The following FAT1 variants were observed in gnomAD, a reference collection of about 807,000 sequenced individuals.
FAT1 encodes the protein FAT atypical cadherin 1, also known as protocadherin Fat 1.
Under a neutral mutation model 329.8 loss-of-function variants are expected in FAT1, and 171 were observed. The ratio of observed to expected loss-of-function variants is 0.52; its 90% CI spans 0.46 to 0.59. The LOEUF is 0.59. FAT1 is among the 20% of genes least tolerant of loss of function. The pLI, the probability that FAT1 is intolerant of heterozygous loss-of-function variation, is 0.00. For synonymous variants in FAT1, 2,233 were observed against 2,228.6 expected, an observed-to-expected ratio of 1.00 and a Z score of -0.06; for missense variants, 5,672 against 5,774.4, an observed-to-expected ratio of 0.98 and a Z score of 0.57.
At chr4:186,680,437 C>T (rs1743157390) in intron 2 of FAT1, among the ~76,000 whole-genome samples, 1 of 152,164 alleles carries the variant, frequency 6.6e-6, no homozygotes, top group Non-Finnish European at 1.5e-5. Flanking sequence ...GCTTTAATTA[C>T]ACACGACCGT....
At chr4:186,689,652 C>T (rs1478122184) in intron 2 of FAT1, among the ~76,000 whole-genome samples, 1 of 152,182 alleles carries the variant, frequency 6.6e-6, no homozygotes, top group Admixed American at 6.5e-5. Flanking sequence ...TCAGCAACAC[C>T]AGTGTAATAG....
At chr4:186,705,505 T>C (rs570682241) in intron 2 of FAT1, among the ~76,000 whole-genome samples, 1 of 152,344 alleles carries the variant, frequency 6.6e-6, no homozygotes, top group African/African-American at 2.4e-5. Context: ...CCCTTTTCTA[T>C]TTCCACTATC....
Position 186,636,797 on chromosome 4 carries a change from G to A in FAT1, c.3760C>T (p.Leu1254Phe), listed in dbSNP as rs1161879090. The A allele has an allele frequency of 6.2e-7, 1 of 1,613,974 alleles. No individual in the cohort carries two copies. Among genetic ancestry groups the A allele is most frequent in the South Asian group, 1.1e-5 (1 of 91,076 alleles). Residue 1254 changes from leucine (L) to phenylalanine (F), a missense_variant, in exon 5 of 27, where the codon CTC becomes TTC. Physicochemically the swap from Leu to Phe is conservative, Grantham distance 22. Around this residue, in one of 2 missense-constraint regions of FAT1, gnomAD observed 3,966 missense variants for 3,915.2 expected, o/e 1.01. Coordinates refer to ENST00000441802, the MANE Select transcript of FAT1 (RefSeq NM_005245.4). ...QFLQKFYKIR[L>F]PEREKPDRER... is the part of the protein sequence containing the mutation. ...CGGTCTGGCTTTTCCCGCTCAGGGA[G>A]TCTGATTTTGTAGAACTTTTGCAGA...
At chr4:186,720,602 C>T (rs908890038) in intron 1 of FAT1, among the ~76,000 whole-genome samples, 5 of 152,212 alleles carry the variant, frequency 3.3e-5, no homozygotes, top group Non-Finnish European at 7.3e-5. Flanking sequence ...CACTGAGGTG[C>T]TGCTATGGAC....
In FAT1 at chr4:186,620,954, C is replaced by A. The variant is rs2126520750; in HGVS notation, c.5632G>T (p.Val1878Leu). The change falls in exon 10 of 27, where the codon GTG becomes TTG. Residue 1878 changes from valine to leucine, a missense_variant. By Grantham distance (32) the Val-to-Leu change is conservative. Transcript: ENST00000441802. ...GCTTCATATAATGGCTTGGCAAACA[C>A]AGGGGGGCAGTCATTAATGTCAATT... ...HVIDINDCPP[V>L]FAKPLYEASL... is the part of the protein sequence containing the mutation. The A allele has an allele frequency of 6.2e-7, 1 of 1,613,844 alleles. No homozygotes were observed. Among genetic ancestry groups the A allele is most frequent in the Non-Finnish European group, 8.5e-7 (1 of 1,179,894 alleles).
At chr4:186,724,922 AAG>A (rs919095691), upstream of FAT1, among the ~76,000 whole-genome samples, 3 of 152,190 alleles carry the variant, frequency 2.0e-5, no homozygotes, top group Admixed American at 6.5e-5. This position sits in a 1 kb window ranked among gnomAD's most constrained non-coding sequence, Gnocchi z 5.3. Context: ...TCAAGTGTGA[AAG>A]AGAATTTCCT....
Position 186,606,317 on chromosome 4 carries a change from TAC to T in FAT1, c.10207-106_10207-105del, listed in dbSNP as rs879920973. ...TCCTGACGGGCAGGTCCCAGTGAGC[TAC>T]CACTATCTGTTGCATCCTGCCTGTG... is the stretch of plus-strand genomic sequence containing the variant. On this transcript the variant is annotated intron_variant, in intron 16 of 26. Transcript: ENST00000441802. The T allele has an allele frequency of 0.015, 20,063 of 1,309,772 alleles. 272 individuals carry two copies. Among genetic ancestry groups the T allele is most frequent in the South Asian group, 0.037 (2,685 of 71,622 alleles). 81.1% of individuals were successfully genotyped at this position (1,309,772 alleles called of 1,614,324 possible). A position where few individuals can be genotyped will look rare whatever the true frequency, so the allele number is the denominator to read the frequency against.
At chr4:186,716,146 A>G (rs1745193630) in intron 1 of FAT1, among the ~76,000 whole-genome samples, 1 of 152,264 alleles carries the variant, frequency 6.6e-6, no homozygotes, top group East Asian at 1.9e-4. Context: ...TAAACGCCGC[A>G]TATTTATTAC....
chr4:186,632,508 G>A (rs2126553508), intron 7 of FAT1, among the ~76,000 whole-genome samples: 1 of 152,196 alleles, frequency 6.6e-6, no homozygotes, highest in African/African-American at 2.4e-5. Context: ...AATAGATTTT[G>A]CTTGTCTCTA....
chr4:186,693,812 C>T (rs1743906813), intron 2 of FAT1, among the ~76,000 whole-genome samples: 1 of 152,188 alleles, frequency 6.6e-6, no homozygotes, highest in South Asian at 2.1e-4. Flanking sequence ...TAAAACGTTT[C>T]AGTTCAGCTC....
Position 186,633,841 on chromosome 4 carries a change from A to G in FAT1, c.4184-18T>C, listed in dbSNP as rs1212192496. 1.9e-6 allele frequency: 3 copies of G among 1,613,930 alleles called. No individual in the cohort carries two copies. The Middle Eastern group carries it at 4.9e-4, about 266-fold the overall frequency. ...GTTGCCACCTAATTTGGGGAAAAAA[A>G]AGTAAAAACAGGTCACAGGATAACA... On this transcript the variant is annotated intron_variant, in intron 6 of 26. Transcript: ENST00000441802.
At position 186,708,591 on chromosome 4, in the gene FAT1, A is replaced by G. The variant is rs1744770295; in HGVS notation, c.1237T>C (p.Leu413=). ...KSTPGKAKFS[L]NYNTGLISIL... ...GAAATGAGACCAGTGTTGTAATTTA[A>G]ACTGAATTTAGCTTTTCCAGGTGTA... The change falls in exon 2 of 27, where the codon TTA becomes CTA. Residue 413 remains leucine, a synonymous_variant. Transcript: ENST00000441802. The G allele has an allele frequency of 3.7e-6, 6 of 1,613,996 alleles. No individual in the cohort carries two copies. Among genetic ancestry groups the G allele is most frequent in the Non-Finnish European group, 5.1e-6 (6 of 1,179,880 alleles).
chr4:186,700,442 G>A (rs1744251933), intron 2 of FAT1, among the ~76,000 whole-genome samples: 1 of 152,112 alleles, frequency 6.6e-6, no homozygotes, highest in South Asian at 2.1e-4. Flanking sequence ...CTGCCACCGC[G>A]ACGGAATTCA....
rs1285644750 is a variant in FAT1, at chr4:186,603,677, T to C, written c.10849A>G (p.Thr3617Ala). 6.2e-7 allele frequency: 1 copy of C among 1,614,028 alleles called. No homozygotes were observed. Among genetic ancestry groups the C allele is most frequent in the South Asian group, 1.1e-5 (1 of 91,086 alleles). The change falls in exon 19 of 27, where the codon ACA becomes GCA. Residue 3617 changes from threonine to alanine, a missense_variant. Around this residue, in one of 2 missense-constraint regions of FAT1, gnomAD observed 1,706 missense variants for 1,859.1 expected, o/e 0.92. Coordinates refer to ENST00000441802, the MANE Select transcript of FAT1 (RefSeq NM_005245.4). Reference sequence around the variant, plus strand: ...GCCACCGTCGTGAACTTCCCATCTGTTACGCTGACATTGAGAAGGTATTGC... The same window carrying C: ...GCCACCGTCGTGAACTTCCCATCTGCTACGCTGACATTGAGAAGGTATTGC... ...IGQYLLNVSV[T>A]DGKFTTVADI...
At chr4:186,595,589 T>C (rs752252609) in intron 26 of FAT1, 100 bp downstream of exon 26, 8 of 1,349,458 alleles carry the variant, frequency 5.9e-6, no homozygotes, top group Middle Eastern at 5.3e-4. Context: ...AATGAAAATA[T>C]GGTGAGGCTT....
In FAT1 at chr4:186,620,742, G is replaced by A. The variant is rs762561658; in HGVS notation, c.5844C>T (p.Tyr1948=). Residue 1948 remains tyrosine, a synonymous_variant, in exon 10 of 27, where the codon TAC becomes TAT. Coordinates refer to ENST00000441802, the MANE Select transcript of FAT1 (RefSeq NM_005245.4). ...VQNTTQLRSR[Y]ELTVRASDGR... ...CATCGGAAGCTCTAACGGTTAGCTC[G>A]TAGCGGCTTCTTAACTGAGTTGTGT... 9.9e-6 allele frequency: 16 copies of A among 1,614,044 alleles called. No homozygotes were observed. The highest frequency in any genetic ancestry group is 6.7e-5 in the East Asian group (3 of 44,880).
In FAT1 at chr4:186,596,041, TA is replaced by T. The variant is rs1738494557; in HGVS notation, c.13001-216del. Among the ~76,000 whole-genome samples the T allele has an allele frequency of 6.6e-6, 1 of 152,124 alleles. No individual in the cohort carries two copies. The highest frequency in any genetic ancestry group is 1.5e-5 in the Non-Finnish European group (1 of 68,020). On this transcript the variant is annotated intron_variant, in intron 25 of 26. Transcript: ENST00000441802. This position sits in a 1 kb window ranked among gnomAD's most constrained non-coding sequence, Gnocchi z 4.7. ...TCCACATCATCTTAGAGATTATTCATAGAGTAGAAATCGCCCATAAGCATGC... is the reference window on the plus strand; with the variant it reads ...TCCACATCATCTTAGAGATTATTCATGAGTAGAAATCGCCCATAAGCATGC...
chr4:186,635,664 T>C (rs1740787102), intron 6 of FAT1, among the ~76,000 whole-genome samples: 1 of 152,094 alleles, frequency 6.6e-6, no homozygotes, highest in Non-Finnish European at 1.5e-5. Flanking sequence ...CCATAGGTTA[T>C]GCATCAATAA....
At position 186,619,250 on chromosome 4, in the gene FAT1, T is replaced by A; in HGVS notation, c.7336A>T (p.Ile2446Phe). Residue 2446 changes from isoleucine (I) to phenylalanine (F), a missense_variant, in exon 10 of 27, where the codon ATT (isoleucine) becomes TTT (phenylalanine). By Grantham distance (21) the Ile-to-Phe change is conservative (BLOSUM62 0). This residue lies in a region of FAT1 where 3,966 missense variants were observed against 3,915.2 expected (regional missense o/e 1.01). Transcript: ENST00000441802. ...CGGTGCAGGTTTGAGAGGGTGATAA[T>A]CCCTGTTGCACTGTCAATGACAAAA... ...KHFVIDSATG[I>F]ITLSNLHRHA... 6.2e-7 allele frequency: 1 copy of A among 1,613,970 alleles called. No homozygotes were observed. The highest frequency in any genetic ancestry group is 8.5e-7 in the Non-Finnish European group (1 of 1,179,898).
Sources: gnomAD v4.1 joint callset for allele counts (sites outside exome capture counted in the v4.1 genomes callset) on GRCh38, gnomAD v4.1.1 for gene constraint, gnomAD v4.1.1 regional missense constraint, Gnocchi (gnomAD v3.1) non-coding constraint, MANE v1.5 for transcripts, NCBI Gene and HGNC (gene_info 2026-07-23, HGNC 2026-07-21) for gene names.